The following ADGRV1 variants were observed in gnomAD, a reference collection of about 807,000 sequenced individuals.
ADGRV1 encodes G-protein coupled receptor 98.
In ADGRV1, 359 loss-of-function variants were observed where a neutral mutation model predicts 596.2. That is an observed-to-expected ratio of 0.60 (90% CI 0.55 to 0.66). The LOEUF is 0.66. ADGRV1 is among the 30% of genes least tolerant of loss of function. The pLI is 0.00. For missense variants in ADGRV1, 7,274 were observed against 7,575.6 expected (o/e 0.96, Z 1.48); for synonymous variants, 2,681 against 2,679.2 (o/e 1.00, Z -0.02).
chr5:90,807,764 G>T (rs1267025386), intron 73 of ADGRV1, 27 bp downstream of exon 73: 5 of 1,495,398 alleles, frequency 3.3e-6, no homozygotes, highest in Non-Finnish European at 4.5e-6. Context: ...TCTCACCCAA[G>T]AAATTCTCTG....
intron 1 of ADGRV1, among the ~76,000 whole-genome samples, chr5:90,593,862 T>C (rs1759875980): frequency 6.6e-6 from 1 of 152,204 alleles, no homozygotes; most frequent in Non-Finnish European, 1.5e-5. Flanking sequence ...CCAAGCATGC[T>C]AAGAATTTTA....
At chr5:90,596,854 GGAGAGGGAGAGT>G (rs1760741872) in intron 1 of ADGRV1, among the ~76,000 whole-genome samples, 1 of 151,580 alleles carries the variant, frequency 6.6e-6, no homozygotes, top group African/African-American at 2.4e-5. Context: ...AGAGCGAGAG[GGAGAGGGAGAGT>G]GAGAGCTCTG....
At chr5:90,811,896 C>G (rs1762471378) in intron 74 of ADGRV1, among the ~76,000 whole-genome samples, 1 of 150,932 alleles carries the variant, frequency 6.6e-6, no homozygotes, top group African/African-American at 2.4e-5. Context: ...CTTTTCATGA[C>G]AGTTTGCAGT....
chr5:90,840,661 A>C lies in ADGRV1; in HGVS notation c.16695A>C (p.Thr5565=), dbSNP rs748272210. Residue 5565 remains threonine, a synonymous_variant, in exon 78 of 90, where the codon ACA becomes ACC. Transcript: ENST00000405460. ...AGGATTTTGTGATAACTGAAGGCACATTGGTCTTTGAACCTGGCCAGAGAA... is the reference window on the plus strand; with the variant it reads ...AGGATTTTGTGATAACTGAAGGCACCTTGGTCTTTGAACCTGGCCAGAGAA... ...SGKDFVITEG[T]LVFEPGQRST... 6.2e-7 allele frequency: 1 copy of C among 1,613,894 alleles called. No individual in the cohort carries two copies. Among genetic ancestry groups the C allele is most frequent in the Non-Finnish European group, 8.5e-7 (1 of 1,179,880 alleles).
chr5:91,086,275 A>T (rs544014691), intron 86 of ADGRV1, among the ~76,000 whole-genome samples: 1 of 152,232 alleles, frequency 6.6e-6, no homozygotes, highest in African/African-American at 2.4e-5. Flanking sequence ...ACATTTTCAA[A>T]TGTCTTTTGG....
intron 86 of ADGRV1, among the ~76,000 whole-genome samples, chr5:91,099,268 A>T (rs535983331): frequency 4.8e-4 from 69 of 143,202 alleles, no homozygotes; most frequent in Admixed American, 1.7e-3. Context: ...TTTCTCTCTC[A>T]AAAAAAAAAA....
At chr5:91,036,403 CA>C (rs1041176690) in intron 85 of ADGRV1, among the ~76,000 whole-genome samples, 1 of 150,140 alleles carries the variant, frequency 6.7e-6, no homozygotes. Flanking sequence ...ACTAAAAATA[CA>C]AAAAAAAATT....
rs550354342 is a variant in ADGRV1, at chr5:91,163,883, G to A, written c.18904G>A (p.Ala6302Thr). Reference protein sequence around the residue: ...QIVELRRIPIADTHL With the variant: ...QIVELRRIPITDTHL ...CGTGGAGCTCAGGAGGATACCCATC[G>A]CCGACACTCACCTGTAGCACCTCAC... is the stretch of plus-strand genomic sequence containing the variant. The change falls in exon 90 of 90, where the codon GCC becomes ACC. Residue 6302 changes from alanine to threonine, a missense_variant. Ala to Thr is a moderately conservative substitution (Grantham distance 58). Transcript: ENST00000405460. The A allele has an allele frequency of 1.5e-5, 24 of 1,560,778 alleles. No homozygotes were observed. The highest frequency in any genetic ancestry group is 1.7e-4 in the Middle Eastern group (1 of 5,972).
rs752722963 is a variant in ADGRV1, at chr5:90,823,448, T to C, written c.16220T>C (p.Phe5407Ser). ...PNRAFEDVKV[F>S]WRVTLNKTVV... ...AGGGCCTTTGAAGATGTCAAGGTCT[T>C]TTGGCGAGTCACACTTAACAAAACA... Residue 5407 changes from phenylalanine to serine, a missense_variant, in exon 76 of 90, where the codon TTT (phenylalanine) becomes TCT (serine). By Grantham distance (155) the Phe-to-Ser change is radical. This residue lies in a region of ADGRV1 where 1,874 missense variants were observed against 1,970.2 expected (regional missense o/e 0.95). Coordinates refer to ENST00000405460, the MANE Select transcript of ADGRV1 (RefSeq NM_032119.4). 4 of 1,613,792 alleles carry C rather than the reference T, an allele frequency of 2.5e-6. No homozygotes were observed. In the South Asian group the frequency reaches 4.4e-5, roughly 18 times the overall value.
chr5:90,629,539 G>A lies in ADGRV1; in HGVS notation c.1839G>A (p.Gln613=). The change falls in exon 9 of 90, where the codon CAG becomes CAA. Residue 613 remains glutamine, a splice_region_variant and synonymous_variant. Coordinates refer to ENST00000405460, the MANE Select transcript of ADGRV1 (RefSeq NM_032119.4). ...FLQNGAHFLV[Q]LETVELLNII... is the part of the protein sequence containing the mutation. ...AAAATGGAGCTCACTTTCTAGTACA[G>A]GTACTTGTATGATTAAAATAATCGT... 6.3e-7 allele frequency: 1 copy of A among 1,587,960 alleles called. No homozygotes were observed. Among genetic ancestry groups the A allele is most frequent in the Non-Finnish European group, 8.6e-7 (1 of 1,164,130 alleles).
At chr5:91,159,468 T>C (rs1796760717) in intron 89 of ADGRV1, among the ~76,000 whole-genome samples, 1 of 152,214 alleles carries the variant, frequency 6.6e-6, no homozygotes, top group African/African-American at 2.4e-5. Context: ...ATGGACTTCT[T>C]TTTCAATCTA....
At position 90,810,622 on chromosome 5, in the gene ADGRV1, T is replaced by C; in HGVS notation, c.15362T>C (p.Val5121Ala). ...CTGAATCTAGATTTCAGTGTTGCAG[T>C]GATTACAATATTGGATAATGATGAC... ...PRLNLDFSVA[V>A]ITILDNDDLA... is the part of the protein sequence containing the mutation. Residue 5121 changes from valine (V) to alanine (A), a missense_variant, in exon 74 of 90, where the codon GTG (valine) becomes GCG (alanine). Val to Ala is a moderately conservative substitution (Grantham distance 64). Transcript: ENST00000405460. The C allele has an allele frequency of 6.2e-7, 1 of 1,613,946 alleles. No homozygotes were observed. The highest frequency in any genetic ancestry group is 2.2e-5 in the East Asian group (1 of 44,892).
intron 83 of ADGRV1, among the ~76,000 whole-genome samples, chr5:90,962,473 A>G (rs1778119632): frequency 1.3e-5 from 2 of 152,334 alleles, no homozygotes; most frequent in Admixed American, 1.3e-4. Context: ...TAAAAGAACA[A>G]TGGTGAAGCT....
chr5:91,113,469 C>T (rs1792559219), intron 87 of ADGRV1, among the ~76,000 whole-genome samples: 1 of 152,162 alleles, frequency 6.6e-6, no homozygotes, highest in Admixed American at 6.5e-5. Flanking sequence ...GGCAGACCAC[C>T]TTGATCCAGT....
At chr5:90,746,561 A>G (rs1213211624) in intron 52 of ADGRV1, among the ~76,000 whole-genome samples, 7 of 152,190 alleles carry the variant, frequency 4.6e-5, no homozygotes, top group Non-Finnish European at 7.3e-5. Flanking sequence ...CTTCGGGGTT[A>G]GTTGGATACT....
chr5:90,820,819 C>A (rs1358088913), intron 75 of ADGRV1, among the ~76,000 whole-genome samples: 2 of 151,976 alleles, frequency 1.3e-5, no homozygotes, highest in African/African-American at 4.8e-5. Context: ...ATGAGGGTAA[C>A]CCGACCTTTC....
intron 52 of ADGRV1, among the ~76,000 whole-genome samples, chr5:90,749,578 A>G (rs113555950): frequency 6.6e-6 from 1 of 152,234 alleles, no homozygotes; most frequent in African/African-American, 2.4e-5. Flanking sequence ...AAAAGCTCTC[A>G]TAAGTTTTAA....
intron 86 of ADGRV1, among the ~76,000 whole-genome samples, chr5:91,078,150 C>T (rs1789013347): frequency 6.6e-6 from 1 of 152,062 alleles, no homozygotes; most frequent in South Asian, 2.1e-4. Flanking sequence ...TGAATGCTTC[C>T]ATTTCTTCAA....
intron 70 of ADGRV1, 153 bp downstream of exon 70, chr5:90,791,499 T>A (rs1394573494): frequency 1.0e-5 from 6 of 598,640 alleles, no homozygotes; most frequent in Non-Finnish European, 1.5e-5. Flanking sequence ...TACTGGATAA[T>A]ACATTTGCAG....
Sources: gnomAD v4.1 joint callset for allele counts (sites outside exome capture counted in the v4.1 genomes callset) on GRCh38, gnomAD v4.1.1 for gene constraint, gnomAD v4.1.1 regional missense constraint, MANE v1.5 for transcripts, NCBI Gene and HGNC (gene_info 2026-07-23, HGNC 2026-07-21) for gene names.